The following SPATA16 variants were observed in gnomAD, a reference collection of about 807,000 sequenced individuals.
The protein encoded by SPATA16 is spermatogenesis associated 16, also known as spermatogenesis-associated protein 16.
SPATA16 carries 36 observed loss-of-function variants against 63.3 expected under a neutral mutation model. The ratio of observed to expected loss-of-function variants is 0.57; its 90% CI spans 0.44 to 0.75. SPATA16 has a LOEUF of 0.75. Among genes scored for constraint, SPATA16 ranks in the 30% least tolerant of loss-of-function variants. The pLI, the probability that SPATA16 is intolerant of heterozygous loss-of-function variation, is 0.00. For missense variants in SPATA16, 646 were observed against 679.3 expected (o/e 0.95, Z 0.54); for synonymous variants, 203 against 216.7 (o/e 0.94, Z 0.56).
chr3:172,909,227 G>C (rs1270498116), intron 10 of SPATA16, among the ~76,000 whole-genome samples: 2 of 152,122 alleles, frequency 1.3e-5, no homozygotes, highest in East Asian at 3.9e-4. Flanking sequence ...CCACAGTCCT[G>C]CTACTCTACA....
chr3:172,915,434 T>C (rs529735334), intron 9 of SPATA16, among the ~76,000 whole-genome samples: 1 of 152,240 alleles, frequency 6.6e-6, no homozygotes, highest in East Asian at 1.9e-4. Flanking sequence ...AAATTACAGG[T>C]AATCAGTTTG....
intron 6 of SPATA16, among the ~76,000 whole-genome samples, chr3:172,950,113 T>A (rs575592270): frequency 3.9e-5 from 6 of 152,302 alleles, no homozygotes; most frequent in African/African-American, 1.4e-4. Flanking sequence ...CTTGTCTGCC[T>A]TCTTCAGTCA....
At chr3:172,999,248 A>C (rs372163471) in intron 4 of SPATA16, among the ~76,000 whole-genome samples, 3 of 152,024 alleles carry the variant, frequency 2.0e-5, no homozygotes, top group South Asian at 4.1e-4. Context: ...CAGATTGTCT[A>C]TTTCTTCTTG....
At chr3:172,971,015 A>G (rs1443307636) in intron 5 of SPATA16, among the ~76,000 whole-genome samples, 1 of 152,180 alleles carries the variant, frequency 6.6e-6, no homozygotes, top group African/African-American at 2.4e-5. Context: ...TAATCAAGTC[A>G]TGTTCAGTGT....
chr3:172,989,120 A>G (rs1414549729), intron 4 of SPATA16, among the ~76,000 whole-genome samples: 2 of 152,136 alleles, frequency 1.3e-5, no homozygotes, highest in African/African-American at 4.8e-5. Flanking sequence ...TGCTTGTACT[A>G]AAATCTTCCA....
intron 1 of SPATA16, among the ~76,000 whole-genome samples, chr3:173,135,579 A>C (rs972517256): frequency 1.3e-5 from 2 of 152,248 alleles, no homozygotes; most frequent in Non-Finnish European, 2.9e-5. Context: ...GTATATTTAT[A>C]CAATGGAAAA....
chr3:173,003,580 C>G (rs1482694203), intron 4 of SPATA16, among the ~76,000 whole-genome samples: 1 of 152,108 alleles, frequency 6.6e-6, no homozygotes. Flanking sequence ...TTATGAGAAA[C>G]AAAGATAATA....
intron 4 of SPATA16, among the ~76,000 whole-genome samples, chr3:173,002,413 A>G (rs1734847576): frequency 6.6e-6 from 1 of 152,212 alleles, no homozygotes; most frequent in African/African-American, 2.4e-5. Context: ...TTAAGAAACA[A>G]CATGCTCAGT....
At chr3:172,914,937 T>G (rs557027909) in intron 9 of SPATA16, among the ~76,000 whole-genome samples, 63 of 152,222 alleles carry the variant, frequency 4.1e-4, no homozygotes, top group Middle Eastern at 6.8e-3. Flanking sequence ...AGAATTCCCC[T>G]GTATTTTTCA....
At chr3:173,051,315 G>A (rs1370647976) in intron 2 of SPATA16, among the ~76,000 whole-genome samples, 1 of 152,142 alleles carries the variant, frequency 6.6e-6, no homozygotes, top group African/African-American at 2.4e-5. Context: ...CGATTCTCCT[G>A]CCTCAGCCTC....
intron 5 of SPATA16, among the ~76,000 whole-genome samples, chr3:172,959,852 ATAAC>A (rs1414637764): frequency 1.4e-5 from 2 of 147,796 alleles, no homozygotes; most frequent in East Asian, 2.0e-4. Flanking sequence ...GCATTATTGA[ATAAC>A]TAGTGAAATC....
chr3:172,937,037 C>A (rs892922200), intron 6 of SPATA16, among the ~76,000 whole-genome samples: 18 of 152,150 alleles, frequency 1.2e-4, no homozygotes, highest in Non-Finnish European at 2.4e-4. Flanking sequence ...GAGCCTTTAA[C>A]CTACAGGGTT....
intron 3 of SPATA16, among the ~76,000 whole-genome samples, chr3:173,039,501 C>T (rs550198839): frequency 6.6e-6 from 1 of 152,062 alleles, no homozygotes; most frequent in Non-Finnish European, 1.5e-5. Context: ...GAGAGTCTCC[C>T]AACAACAGAT....
chr3:173,069,724 C>T (rs1448458360), intron 2 of SPATA16, among the ~76,000 whole-genome samples: 2 of 152,036 alleles, frequency 1.3e-5, no homozygotes, highest in South Asian at 2.1e-4. Context: ...GACATAGATA[C>T]AAAAATCCTC....
chr3:172,913,860 A>T, intron 9 of SPATA16, 116 bp from the exon 10 acceptor site: 2 of 895,126 alleles, frequency 2.2e-6, no homozygotes, highest in South Asian at 2.9e-5. Context: ...TTTATTACTC[A>T]TCTTTCCTAC....
At chr3:172,959,818 A>ATATATATATATATATATATATATATATT (rs1733708005) in intron 5 of SPATA16, among the ~76,000 whole-genome samples, 1 of 142,982 alleles carries the variant, frequency 7.0e-6, no homozygotes, top group African/African-American at 2.6e-5. Flanking sequence ...ATATATATAT[A>ATATATATATATATATATATATATATATT]TTTAGCATTA....
At chr3:173,027,305 AG>A (rs1735473544) in intron 3 of SPATA16, among the ~76,000 whole-genome samples, 1 of 151,942 alleles carries the variant, frequency 6.6e-6, no homozygotes, top group South Asian at 2.1e-4. Flanking sequence ...TAGTTCCAAA[AG>A]CTTTTCCAAA....
chr3:173,088,158 C>T (rs1737129494), intron 2 of SPATA16, among the ~76,000 whole-genome samples: 1 of 144,692 alleles, frequency 6.9e-6, no homozygotes, highest in South Asian at 2.2e-4. Flanking sequence ...GATCTCAGCT[C>T]ACTGCAACCT....
chr3:173,139,505 G>A (rs776300896), intron 1 of SPATA16, among the ~76,000 whole-genome samples: 2 of 152,196 alleles, frequency 1.3e-5, no homozygotes, highest in Admixed American at 1.3e-4. Context: ...GCTTTCTGAT[G>A]TAAAAGGATT....
Sources: allele counts gnomAD v4.1 joint callset (sites outside exome capture counted in the v4.1 genomes callset), GRCh38; gene constraint gnomAD v4.1.1; transcripts MANE v1.5; gene names NCBI Gene and HGNC (gene_info 2026-07-23, HGNC 2026-07-21).